NCKAP5: variants seen among roughly 807,000 people sequenced by gnomAD.
NCKAP5 encodes NCK associated protein 5.
In NCKAP5, 92 loss-of-function variants were observed where a neutral mutation model predicts 167.0. The observed-to-expected ratio is 0.55, with a 90% CI of 0.47 to 0.66. The LOEUF is 0.66. NCKAP5 is among the 30% of genes least tolerant of loss of function. NCKAP5 has a pLI of 0.00. For synonymous variants in NCKAP5, 891 were observed against 877.4 expected (o/e 1.02, Z -0.27); for missense variants, 2,378 against 2,315.0 (o/e 1.03, Z -0.56).
chr2:133,385,498 C>T (rs1686881064), intron 3 of NCKAP5, among the ~76,000 whole-genome samples: 1 of 152,128 alleles, frequency 6.6e-6, no homozygotes, highest in Non-Finnish European at 1.5e-5. Context: ...GGATATTGGT[C>T]TAAAATTCTC....
intron 19 of NCKAP5, among the ~76,000 whole-genome samples, chr2:132,714,708 G>T (rs1328581522): frequency 8.6e-5 from 13 of 151,952 alleles, no homozygotes; most frequent in Non-Finnish European, 4.4e-5. Flanking sequence ...TCCCAGCTGG[G>T]AGGCTGAGGC....
At chr2:132,955,020 C>G (rs1353098370) in intron 8 of NCKAP5, among the ~76,000 whole-genome samples, 1 of 152,166 alleles carries the variant, frequency 6.6e-6, no homozygotes, top group African/African-American at 2.4e-5. Context: ...ACAGGGATGT[C>G]TGGTGTTACC....
intron 4 of NCKAP5, among the ~76,000 whole-genome samples, chr2:133,280,483 C>G (rs7594464): frequency 6.6e-6 from 1 of 151,720 alleles, no homozygotes; most frequent in Non-Finnish European, 1.5e-5. Flanking sequence ...CTCGGCTCAC[C>G]GCAACCTCCA....
At chr2:133,673,735 T>C in the NCKAP5 span, among the ~76,000 whole-genome samples, 1 of 152,216 alleles carries the variant, frequency 6.6e-6, no homozygotes, top group Non-Finnish European at 1.5e-5. Context: ...AGTCTCAGCT[T>C]GGCATAGCCT....
the NCKAP5 span, among the ~76,000 whole-genome samples, chr2:133,598,667 G>A: frequency 1.3e-5 from 2 of 152,336 alleles, no homozygotes; most frequent in South Asian, 2.1e-4. Context: ...AGGTGGAAGA[G>A]ATGGGGAGTC....
intron 7 of NCKAP5, among the ~76,000 whole-genome samples, chr2:132,971,943 C>T (rs1221278943): frequency 1.3e-5 from 2 of 152,188 alleles, no homozygotes; most frequent in Admixed American, 6.5e-5. Flanking sequence ...AGACTAAGTG[C>T]GTCTGGACAA....
intron 3 of NCKAP5, among the ~76,000 whole-genome samples, chr2:133,487,460 C>T (rs1310177896): frequency 6.6e-6 from 1 of 152,142 alleles, no homozygotes; most frequent in Non-Finnish European, 1.5e-5. Context: ...CTAGAGCATA[C>T]CCCTTACCGT....
intron 8 of NCKAP5, among the ~76,000 whole-genome samples, chr2:132,891,859 G>A (rs941161416): frequency 2.0e-5 from 3 of 152,150 alleles, no homozygotes; most frequent in African/African-American, 4.8e-5. Flanking sequence ...GGGAAGTGAC[G>A]GCGTGCTTTT....
intron 11 of NCKAP5, among the ~76,000 whole-genome samples, chr2:132,802,452 C>T (rs1436947310): frequency 6.6e-6 from 1 of 152,226 alleles, no homozygotes; most frequent in Non-Finnish European, 1.5e-5. Context: ...GCTCCCTCAA[C>T]TCTGTCTTAG....
chr2:133,437,135 C>T (rs1001956843), intron 3 of NCKAP5, among the ~76,000 whole-genome samples: 17 of 152,036 alleles, frequency 1.1e-4, no homozygotes, highest in Non-Finnish European at 2.9e-5. Context: ...GGGCGGATCA[C>T]GAGATCAGAA....
At chr2:133,011,801 T>C (rs2078169680) in intron 6 of NCKAP5, among the ~76,000 whole-genome samples, 1 of 152,242 alleles carries the variant, frequency 6.6e-6, no homozygotes, top group Non-Finnish European at 1.5e-5. Context: ...ATTATCATTC[T>C]GTGAACCACG....
chr2:132,910,680 T>G (rs2148951653), intron 8 of NCKAP5, among the ~76,000 whole-genome samples: 1 of 152,344 alleles, frequency 6.6e-6, no homozygotes, highest in South Asian at 2.1e-4. Flanking sequence ...TGATGAACAC[T>G]TAGTTTGCTC....
intron 11 of NCKAP5, among the ~76,000 whole-genome samples, chr2:132,816,081 G>A (rs947772495): frequency 6.6e-5 from 10 of 152,034 alleles, no homozygotes; most frequent in Admixed American, 5.2e-4. Context: ...ATTTCCTTTA[G>A]GGATAATAAT....
intron 3 of NCKAP5, among the ~76,000 whole-genome samples, chr2:133,343,159 C>T (rs1007459214): frequency 6.6e-6 from 1 of 152,208 alleles, no homozygotes; most frequent in African/African-American, 2.4e-5. Context: ...CACAGTGCAT[C>T]CTGCTAGGCA....
At chr2:132,888,524 GGACTAC>G (rs1692433217) in intron 8 of NCKAP5, among the ~76,000 whole-genome samples, 1 of 151,988 alleles carries the variant, frequency 6.6e-6, no homozygotes, top group African/African-American at 2.4e-5. Flanking sequence ...TGAGCAGCTG[GGACTAC>G]AGGCATGTGC....
At chr2:133,253,786 A>C (rs1054935078) in intron 4 of NCKAP5, among the ~76,000 whole-genome samples, 2 of 152,210 alleles carry the variant, frequency 1.3e-5, no homozygotes, top group Non-Finnish European at 2.9e-5. Flanking sequence ...AAGTGCTTTA[A>C]AATTATAAAT....
intron 7 of NCKAP5, among the ~76,000 whole-genome samples, chr2:132,988,549 C>T (rs1023017788): frequency 2.0e-5 from 3 of 150,662 alleles, no homozygotes; most frequent in African/African-American, 2.4e-5. Flanking sequence ...AAACATGTGG[C>T]GATCTTTCTG....
chr2:132,738,802 G>A (rs906327409), intron 16 of NCKAP5, among the ~76,000 whole-genome samples: 4 of 151,958 alleles, frequency 2.6e-5, no homozygotes, highest in African/African-American at 9.7e-5. Context: ...CATGGTGAGA[G>A]AGGGGGGTGA....
intron 6 of NCKAP5, among the ~76,000 whole-genome samples, chr2:133,115,392 A>C (rs1559153447): frequency 6.6e-6 from 1 of 152,102 alleles, no homozygotes; most frequent in Non-Finnish European, 1.5e-5. Context: ...ATCCCACTAC[A>C]AGTGTACAAG....
Sources: allele counts gnomAD v4.1 joint callset (sites outside exome capture counted in the v4.1 genomes callset), GRCh38; gene constraint gnomAD v4.1.1; transcripts MANE v1.5; gene names NCBI Gene and HGNC (gene_info 2026-07-23, HGNC 2026-07-21).